Variants in GANC observed in about 807,000 individuals in gnomAD.
GANC encodes glucosidase alpha, neutral C.
In GANC, 117 loss-of-function variants were observed where a neutral mutation model predicts 124.2. The observed-to-expected ratio is 0.94, with a 90% CI of 0.81 to 1.10. The LOEUF is 1.10. GANC is among the 50% of genes least tolerant of loss of function. The probability of loss-of-function intolerance (pLI) is 0.00; values close to 1 mark genes in which losing one functional copy is unlikely to be tolerated. For synonymous variants in GANC, 377 were observed against 376.8 expected, an observed-to-expected ratio of 1.00 and a Z score of -0.01; for missense variants, 1,140 against 1,095.0, an observed-to-expected ratio of 1.04 and a Z score of -0.58.
chr15:42,306,269 C>T (rs1446442662), intron 6 of GANC, among the ~76,000 whole-genome samples: 1 of 152,082 alleles, frequency 6.6e-6, no homozygotes, highest in Non-Finnish European at 1.5e-5. Flanking sequence ...GAACTTTATA[C>T]TTGAAAATAG....
intron 11 of GANC, 126 bp downstream of exon 11, chr15:42,322,146 A>G: frequency 1.4e-6 from 1 of 730,732 alleles, no homozygotes; most frequent in Admixed American, 2.8e-5. Flanking sequence ...AGTAGATTCA[A>G]ATATAATTGT....
chr15:42,307,422 C>T (rs2052009233), intron 7 of GANC, among the ~76,000 whole-genome samples: 1 of 149,042 alleles, frequency 6.7e-6, no homozygotes, highest in South Asian at 2.1e-4. Context: ...CACCCTTGAA[C>T]TCCTGGCCTT....
rs72707435 is a variant in GANC at position 42,317,718 on chromosome 15, G to A, written c.1058-4067G>A. Among the ~76,000 whole-genome samples the A allele has an allele frequency of 4.3e-3, 652 of 152,276 alleles. 5 individuals carry two copies. Among genetic ancestry groups the A allele is most frequent in the Admixed American group, 8.0e-3 (123 of 15,290 alleles). On this transcript the variant is annotated intron_variant, in intron 10 of 23. Transcript: ENST00000318010. ...TGCTGCATTCAGTTGTTAAAAGCAA[G>A]CTAAGTCTAGCCCATGTTCAGTTCC...
rs756468928 is a variant in GANC at position 42,287,789 on chromosome 15, T to C, written c.300T>C (p.Asp100=). The change falls in exon 4 of 24, where the codon GAT becomes GAC. Residue 100 remains aspartate (D), a synonymous_variant. Transcript: ENST00000318010. ...TPLKPRFEVP[D]VLTSKPSTVR... ...TAAAACCCAGATTTGAAGTTCCGGA[T>C]GTCCTCACAAGCAAGCCAAGCACTG... 7 of 1,613,210 alleles carry C rather than the reference T, an allele frequency of 4.3e-6. No individual in the cohort carries two copies. The highest frequency in any genetic ancestry group is 5.1e-6 in the Non-Finnish European group (6 of 1,179,484).
At chr15:42,282,464 C>G (rs1192647356) in intron 3 of GANC, among the ~76,000 whole-genome samples, 2 of 152,138 alleles carry the variant, frequency 1.3e-5, no homozygotes, top group Non-Finnish European at 2.9e-5. Context: ...TCCACTTATT[C>G]AGAATGATAG....
At chr15:42,295,084 A>G (rs1485437834) in intron 5 of GANC, among the ~76,000 whole-genome samples, 1 of 147,936 alleles carries the variant, frequency 6.8e-6, no homozygotes. Flanking sequence ...CCATTCTCCC[A>G]CCTTAGCCTC....
intron 11 of GANC, among the ~76,000 whole-genome samples, chr15:42,324,757 A>G (rs911407656): frequency 6.6e-6 from 1 of 152,180 alleles, no homozygotes; most frequent in African/African-American, 2.4e-5. Flanking sequence ...ATATTCATAG[A>G]GACAGAAAGT....
In GANC at chr15:42,338,488, G is replaced by C. The variant is rs751854130; in HGVS notation, c.1841G>C (p.Gly614Ala). 1.3e-6 allele frequency: 2 copies of C among 1,596,918 alleles called. No individual in the cohort carries two copies. The highest frequency in any genetic ancestry group is 2.2e-5 in the South Asian group (2 of 90,694). ...TLSITGISFC[G>A]ADIGGFIGNP... ...AGCATTACTGGGATCTCTTTTTGCGGAGGTAAGATGAGTCCTTTGAGGCTT... is the reference window on the plus strand; with the variant it reads ...AGCATTACTGGGATCTCTTTTTGCGCAGGTAAGATGAGTCCTTTGAGGCTT... The change falls in exon 16 of 24, where the codon GGA becomes GCA. Residue 614 changes from glycine (G) to alanine (A), a missense_variant and splice_region_variant. By Grantham distance (60) the Gly-to-Ala change is moderately conservative (BLOSUM62 0). Transcript: ENST00000318010.
intron 2 of GANC, among the ~76,000 whole-genome samples, chr15:42,277,469 G>A (rs1014832312): frequency 6.6e-6 from 1 of 151,412 alleles, no homozygotes; most frequent in East Asian, 2.0e-4. Flanking sequence ...GGCAGAGATT[G>A]TGGTGAGCCG....
intron 6 of GANC, 79 bp downstream of exon 6, chr15:42,297,735 T>C: frequency 9.5e-7 from 1 of 1,050,352 alleles, no homozygotes; most frequent in Non-Finnish European, 1.4e-6. Context: ...TTCTCTTTCT[T>C]CCTTCTACAG....
intron 2 of GANC, chr15:42,277,957 A>G: frequency 5.2e-6 from 1 of 191,304 alleles, no homozygotes; most frequent in South Asian, 6.0e-5. Flanking sequence ...CGTGATCTTG[A>G]AACTGAAATA....
chr15:42,314,259 A>G (rs1270287055), intron 10 of GANC: 1 of 679,078 alleles, frequency 1.5e-6, no homozygotes, highest in African/African-American at 1.8e-5. Flanking sequence ...CATGGAATTT[A>G]AAGCCTGATG....
Position 42,352,490 on chromosome 15 carries a change from C to T in GANC, c.*351C>T. ...AAGCCTACCTGGGCAGCCCATTTGC[C>T]AGGGCTTGCCTCAGGCCATGCAGCA... On this transcript the variant is annotated 3_prime_UTR_variant, in exon 24 of 24. Transcript: ENST00000318010. 9.5e-7 allele frequency: 1 copy of T among 1,051,474 alleles called. No homozygotes were observed. The highest frequency in any genetic ancestry group is 3.3e-5 in the South Asian group (1 of 30,566). 65.1% of individuals were successfully genotyped at this position (1,051,474 alleles called of 1,614,324 possible). A position where few individuals can be genotyped will look rare whatever the true frequency, so the allele number is the denominator to read the frequency against.
In GANC at chr15:42,292,655, T is replaced by A. The variant is rs577569180; in HGVS notation, c.330-80T>A. On this transcript the variant is annotated intron_variant, in intron 4 of 23. Transcript: ENST00000318010. ...GTCACATGAATATTGATTTACTAAT[T>A]AATTACTTGGAAGTACAAATCACAT... is the stretch of plus-strand genomic sequence containing the variant. 219 of 1,330,926 alleles carry A rather than the reference T, an allele frequency of 1.6e-4. 1 individual carries two copies. In the South Asian group the frequency reaches 2.8e-3, roughly 17 times the overall value. The allele number at this position is 1,330,926 out of a possible 1,614,324, so 82.4% of individuals were successfully genotyped here.
rs928310586 is a variant in GANC, at chr15:42,327,613, T to C, written c.1500+171T>C. 9.0e-6 allele frequency: 5 copies of C among 557,590 alleles called. No homozygotes were observed. In the Admixed American group the frequency reaches 1.7e-4, roughly 19 times the overall value. 34.5% of individuals were successfully genotyped at this position (557,590 alleles called of 1,614,324 possible). On this transcript the variant is annotated intron_variant, in intron 13 of 23. Coordinates refer to ENST00000318010, the MANE Select transcript of GANC (RefSeq NM_198141.3). ...CAGACTCTGGGGGTGCTGGGAGAGG[T>C]GCCATATGCATAAGCAAATGCACAA...
intron 10 of GANC, among the ~76,000 whole-genome samples, chr15:42,315,589 G>A (rs868145562): frequency 3.9e-5 from 6 of 152,174 alleles, no homozygotes; most frequent in East Asian, 1.9e-4. Context: ...TCCTCAAAAA[G>A]TTAAACATAG....
Position 42,311,338 on chromosome 15 carries a change from T to C in GANC, c.1057+492T>C, listed in dbSNP as rs903594206. Among the ~76,000 whole-genome samples the C allele has an allele frequency of 9.3e-4, 141 of 152,140 alleles. 1 individual carries two copies. Among genetic ancestry groups the C allele is most frequent in the African/African-American group, 3.2e-3 (131 of 41,496 alleles). On this transcript the variant is annotated intron_variant, in intron 10 of 23. Coordinates refer to ENST00000318010, the MANE Select transcript of GANC (RefSeq NM_198141.3). The stretch of plus-strand genomic sequence containing the variant: ...GAAAAATAAATAAAAGATATCAAAA[T>C]TGGAAAAGAATAAATAAGATTATAG...
intron 23 of GANC, 27 bp downstream of exon 23, chr15:42,351,459 A>G (rs780296990): frequency 6.7e-7 from 1 of 1,503,632 alleles, no homozygotes; most frequent in East Asian, 2.3e-5. Flanking sequence ...TTCTTACCTC[A>G]CCATTTGTTT....
In GANC at chr15:42,353,262, A is replaced by G; in HGVS notation, c.*1123A>G. On this transcript the variant is annotated 3_prime_UTR_variant, in exon 24 of 24. Coordinates refer to ENST00000318010, the MANE Select transcript of GANC (RefSeq NM_198141.3). ...TCCTCAGCACACACCTCTTCTTATC[A>G]GGCTTCCTCCACTTAGCAACTTGCT... 4.1e-6 allele frequency: 4 copies of G among 986,066 alleles called. No homozygotes were observed. Among genetic ancestry groups the G allele is most frequent in the Non-Finnish European group, 3.6e-6 (3 of 830,092 alleles). 61.1% of individuals were successfully genotyped at this position (986,066 alleles called of 1,614,324 possible).
Sources: gnomAD v4.1 joint callset for allele counts (sites outside exome capture counted in the v4.1 genomes callset) on GRCh38, gnomAD v4.1.1 for gene constraint, MANE v1.5 for transcripts, NCBI Gene and HGNC (gene_info 2026-07-23, HGNC 2026-07-21) for gene names.